Variants in PITPNC1 observed in about 807,000 individuals in gnomAD.
PITPNC1 encodes the protein phosphatidylinositol transfer protein cytoplasmic 1.
Under a neutral mutation model 44.7 loss-of-function variants are expected in PITPNC1, and 18 were observed. The ratio of observed to expected loss-of-function variants is 0.40; its 90% CI spans 0.28 to 0.60. The LOEUF (loss-of-function observed/expected upper bound fraction) is 0.60. Among genes scored for constraint, PITPNC1 ranks in the 20% least tolerant of loss-of-function variants. The pLI is 0.39. For missense variants in PITPNC1, 290 were observed against 418.4 expected (o/e 0.69, Z 2.68); for synonymous variants, 141 against 149.6 (o/e 0.94, Z 0.42).
rs144587875 is a variant in PITPNC1 at position 67,403,747 on chromosome 17, C to G, written c.48+25545C>G. Among the ~76,000 whole-genome samples the G allele has an allele frequency of 3.0e-3, 461 of 152,208 alleles. 2 individuals carry two copies. Among genetic ancestry groups the G allele is most frequent in the Non-Finnish European group, 4.3e-3 (295 of 68,022 alleles). The stretch of plus-strand genomic sequence containing the variant: ...GGTGTAAACCCTGGGCTTGGACTGG[C>G]GTTATGTCTCACGGCTGTAATCCTA... On this transcript the variant is annotated intron_variant, in intron 1 of 8. Coordinates refer to ENST00000581322, the MANE Select transcript of PITPNC1 (RefSeq NM_012417.4).
At chr17:67,487,082 G>A (rs1279143369) in intron 1 of PITPNC1, among the ~76,000 whole-genome samples, 1 of 152,040 alleles carries the variant, frequency 6.6e-6, no homozygotes, top group Non-Finnish European at 1.5e-5. Flanking sequence ...GTATGAAAAA[G>A]AAAACCAACA....
At chr17:67,598,465 C>G (rs985725080) in intron 5 of PITPNC1, among the ~76,000 whole-genome samples, 1 of 152,160 alleles carries the variant, frequency 6.6e-6, no homozygotes, top group African/African-American at 2.4e-5. Flanking sequence ...TCCTAATCAC[C>G]GCAAGGTGAT....
rs146706036 is a variant in PITPNC1, at chr17:67,579,325, G to C, written c.366+1068G>C. On this transcript the variant is annotated intron_variant, in intron 5 of 8. Coordinates refer to ENST00000581322, the MANE Select transcript of PITPNC1 (RefSeq NM_012417.4). Reference sequence around the variant, plus strand: ...GGGATTAGGCTGTGGGTTCCCTCAGGACCCGTTGAAAGGAAGAACCTGGAT... The same window carrying C: ...GGGATTAGGCTGTGGGTTCCCTCAGCACCCGTTGAAAGGAAGAACCTGGAT... 2.8e-4 allele frequency among the ~76,000 whole-genome samples: 43 copies of C among 152,290 alleles called. No homozygotes were observed. The East Asian group carries it at 7.9e-3, about 28-fold the overall frequency.
intron 1 of PITPNC1, among the ~76,000 whole-genome samples, chr17:67,527,654 T>A (rs1412844371): frequency 2.6e-5 from 4 of 151,700 alleles, no homozygotes; most frequent in African/African-American, 9.7e-5. Context: ...TGAGCTGATA[T>A]CTCGCCACTG....
intron 4 of PITPNC1, among the ~76,000 whole-genome samples, chr17:67,564,292 G>A (rs2040945956): frequency 6.6e-6 from 1 of 152,130 alleles, no homozygotes; most frequent in South Asian, 2.1e-4. Flanking sequence ...AGACCCTGGG[G>A]TGCCAGTAGT....
chr17:67,430,962 C>A (rs76886683), intron 1 of PITPNC1, among the ~76,000 whole-genome samples: 2,284 of 149,182 alleles, frequency 0.015, 61 homozygotes, highest in African/African-American at 0.053. Flanking sequence ...AAAACAAAAC[C>A]AAACCACACA....
At position 67,674,300 on chromosome 17, in the gene PITPNC1, TTGAGACCAG is replaced by T. The variant is rs542572687; in HGVS notation, c.619-1178_619-1170del. Among the ~76,000 whole-genome samples, 739 of 152,048 alleles carry T rather than the reference TTGAGACCAG, an allele frequency of 4.9e-3. 7 individuals are homozygous for T. Among genetic ancestry groups the T allele is most frequent in the African/African-American group, 0.017 (699 of 41,478 alleles). On this transcript the variant is annotated intron_variant, in intron 7 of 8. Transcript: ENST00000581322. ...AGGTGAACTGCTCGAGGCCGGGAGT[TTGAGACCAG>T]CCTGGACAACATGGCGAAACCCTGT...
intron 6 of PITPNC1, among the ~76,000 whole-genome samples, chr17:67,657,160 TTTTTG>T (rs3028849): frequency 0.062 from 9,354 of 150,790 alleles, 387 homozygotes; most frequent in East Asian, 0.2. Flanking sequence ...ACCCCCGTTT[TTTTTG>T]TTTTGTTTTG....
At chr17:67,379,905 C>T (rs553447359) in intron 1 of PITPNC1, among the ~76,000 whole-genome samples, 40 of 152,140 alleles carry the variant, frequency 2.6e-4, no homozygotes, top group Non-Finnish European at 5.1e-4. Flanking sequence ...ACTACAAAAT[C>T]TCTTTATCCT....
rs147673535 is a variant in PITPNC1, at chr17:67,538,590, A to G, written c.197+5640A>G. Among the ~76,000 whole-genome samples the G allele has an allele frequency of 5.7e-3, 874 of 152,320 alleles. 4 individuals are homozygous for G. The highest frequency in any genetic ancestry group is 9.8e-3 in the Non-Finnish European group (664 of 68,028). ...ACTCCAGCCTGGGCAACAGAGCAAG[A>G]CCCTGTCTCTAAATAAATAAATAAA... On this transcript the variant is annotated intron_variant, in intron 2 of 8. Transcript: ENST00000581322.
chr17:67,672,123 G>C (rs990838070), intron 7 of PITPNC1, among the ~76,000 whole-genome samples: 4 of 151,614 alleles, frequency 2.6e-5, no homozygotes, highest in Non-Finnish European at 5.9e-5. Context: ...TAGTAGAGAC[G>C]GGGTTTCACC....
At chr17:67,585,125 A>AT (rs1020324785) in intron 5 of PITPNC1, among the ~76,000 whole-genome samples, 2 of 151,172 alleles carry the variant, frequency 1.3e-5, no homozygotes, top group Admixed American at 6.6e-5. Flanking sequence ...TCAGAAAAAA[A>AT]AAAAAAAAAA....
chr17:67,664,442 GT>G (rs2042393547), intron 6 of PITPNC1, among the ~76,000 whole-genome samples: 1 of 152,124 alleles, frequency 6.6e-6, no homozygotes, highest in East Asian at 1.9e-4. Flanking sequence ...TCAGCATTCC[GT>G]TTTCTCCACG....
rs372844868 is a variant in PITPNC1, at chr17:67,618,072, A to G, written c.367-14071A>G. Among the ~76,000 whole-genome samples, 83 of 152,230 alleles carry G rather than the reference A, an allele frequency of 5.5e-4. 4 individuals carry two copies. The South Asian group carries it at 0.017, about 31-fold the overall frequency. On this transcript the variant is annotated intron_variant, in intron 5 of 8. Coordinates refer to ENST00000581322, the MANE Select transcript of PITPNC1 (RefSeq NM_012417.4). ...CCTGACTATTGACCCTATGAAAATG[A>G]AAACCAGGCCAGGTGCAGTGGCTCA...
At chr17:67,639,448 T>C (rs1479366992) in intron 6 of PITPNC1, among the ~76,000 whole-genome samples, 2 of 152,202 alleles carry the variant, frequency 1.3e-5, no homozygotes, top group Admixed American at 1.3e-4. Context: ...TTTTGGAGGA[T>C]ATAAAGGCCA....
intron 5 of PITPNC1, among the ~76,000 whole-genome samples, 200 bp from the exon 6 acceptor site, chr17:67,631,943 C>T (rs2041977019): frequency 6.6e-6 from 1 of 151,268 alleles, no homozygotes; most frequent in African/African-American, 2.4e-5. Context: ...ATTGATGCTA[C>T]ACCTGCCTCT....
At chr17:67,535,798 A>C (rs1427365045) in intron 2 of PITPNC1, among the ~76,000 whole-genome samples, 2 of 152,238 alleles carry the variant, frequency 1.3e-5, no homozygotes, top group Non-Finnish European at 2.9e-5. Flanking sequence ...AGTGGAAAGC[A>C]GACCCGTTAA....
intron 6 of PITPNC1, 85 bp downstream of exon 6, chr17:67,632,323 G>A (rs1420387044): frequency 2.4e-6 from 2 of 846,692 alleles, no homozygotes; most frequent in Non-Finnish European, 4.0e-6. Context: ...TAACTTGGGA[G>A]GATGCCATCT....
chr17:67,636,759 C>G (rs1197953780), intron 6 of PITPNC1, among the ~76,000 whole-genome samples: 1 of 152,136 alleles, frequency 6.6e-6, no homozygotes, highest in Non-Finnish European at 1.5e-5. Context: ...GTGGTTGTGT[C>G]TACTGTAAAC....
Sources: gnomAD v4.1 joint callset for allele counts (sites outside exome capture counted in the v4.1 genomes callset) on GRCh38, gnomAD v4.1.1 for gene constraint, MANE v1.5 for transcripts, NCBI Gene and HGNC (gene_info 2026-07-23, HGNC 2026-07-21) for gene names.